PCCA: variants seen among roughly 807,000 people sequenced by gnomAD.
PCCA encodes the protein propionyl-CoA carboxylase alpha chain, mitochondrial.
Under a neutral mutation model 101.3 loss-of-function variants are expected in PCCA, and 74 were observed. The observed-to-expected ratio is 0.73, with a 90% CI of 0.61 to 0.89. The LOEUF (loss-of-function observed/expected upper bound fraction) is 0.89, where lower values mean the gene tolerates loss of function less well. Among genes scored for constraint, PCCA ranks in the 40% least tolerant of loss-of-function variants. PCCA has a pLI of 0.00. For missense variants in PCCA, 891 were observed against 907.0 expected, an observed-to-expected ratio of 0.98 and a Z score of 0.23; for synonymous variants, 294 against 313.6, an observed-to-expected ratio of 0.94 and a Z score of 0.66.
chr13:100,527,173 C>T (rs1054095905), intron 22 of PCCA: 14 of 395,586 alleles, frequency 3.5e-5, no homozygotes, highest in South Asian at 5.8e-5. Context: ...GTGTACGATT[C>T]GGTGGTTTCA....
chr13:100,194,630 A>G (rs1324608396), intron 6 of PCCA, among the ~76,000 whole-genome samples: 2 of 152,088 alleles, frequency 1.3e-5, no homozygotes, highest in South Asian at 4.1e-4. Flanking sequence ...CATATTGGCC[A>G]GGCTGGTCTC....
At chr13:100,368,221 A>G (rs1007786823) in intron 18 of PCCA, among the ~76,000 whole-genome samples, 2 of 152,124 alleles carry the variant, frequency 1.3e-5, no homozygotes, top group Admixed American at 1.3e-4. Flanking sequence ...TTTTAAAAAA[A>G]CCATTTTGAA....
At chr13:100,089,358 C>A in intron 1 of PCCA, 133 bp downstream of exon 1, 1 of 1,193,352 alleles carries the variant, frequency 8.4e-7, no homozygotes, top group Non-Finnish European at 1.1e-6. Context: ...TCAGCTACAC[C>A]GCTTGCTTTC....
At chr13:100,366,579 G>A (rs561643464) in intron 18 of PCCA, among the ~76,000 whole-genome samples, 2 of 152,154 alleles carry the variant, frequency 1.3e-5, no homozygotes, top group East Asian at 3.9e-4. Context: ...TGGCACAGAA[G>A]CCCTTTCTTC....
At chr13:100,206,838 T>G (rs1409658611) in intron 6 of PCCA, among the ~76,000 whole-genome samples, 2 of 152,172 alleles carry the variant, frequency 1.3e-5, no homozygotes, top group African/African-American at 4.8e-5. Context: ...ATGTGAGAGA[T>G]GCCCTTCCTG....
At chr13:100,216,955 A>C (rs1008841331) in intron 7 of PCCA, among the ~76,000 whole-genome samples, 2 of 151,848 alleles carry the variant, frequency 1.3e-5, no homozygotes, top group Non-Finnish European at 2.9e-5. Flanking sequence ...CTGAAAATAC[A>C]AAAAATATTT....
intron 8 of PCCA, among the ~76,000 whole-genome samples, chr13:100,255,785 A>G (rs999581084): frequency 2.0e-5 from 3 of 152,332 alleles, no homozygotes; most frequent in Admixed American, 2.0e-4. Context: ...AAACTCGTGC[A>G]TAATCTCTTG....
At chr13:100,263,881 G>A (rs1464075941) in intron 10 of PCCA, among the ~76,000 whole-genome samples, 1 of 142,814 alleles carries the variant, frequency 7.0e-6, no homozygotes, top group Admixed American at 7.0e-5. Flanking sequence ...GTATATATAT[G>A]GTATCTGTAT....
intron 19 of PCCA, among the ~76,000 whole-genome samples, chr13:100,389,872 A>G (rs1434441704): frequency 6.6e-6 from 1 of 152,148 alleles, no homozygotes; most frequent in Admixed American, 6.5e-5. Flanking sequence ...ATGTGTGTGG[A>G]GTGCAGTGGA....
At chr13:100,225,954 G>A (rs2060124184) in intron 7 of PCCA, among the ~76,000 whole-genome samples, 1 of 152,048 alleles carries the variant, frequency 6.6e-6, no homozygotes, top group African/African-American at 2.4e-5. Flanking sequence ...GCCACACCTG[G>A]CTAACTTTTG....
intron 1 of PCCA, among the ~76,000 whole-genome samples, chr13:100,100,790 T>C (rs981441698): frequency 1.0e-4 from 15 of 149,752 alleles, no homozygotes; most frequent in Admixed American, 2.0e-4. Context: ...ACTTCTTCTT[T>C]TTTTTTTTTT....
chr13:100,305,948 T>TTA (rs2066412612), intron 14 of PCCA: 6 of 311,000 alleles, frequency 1.9e-5, no homozygotes, highest in Non-Finnish European at 3.8e-5. Context: ...ATAAAAGCCC[T>TTA]TCAGGTATGT....
chr13:100,254,917 TAA>T (rs60893305), intron 8 of PCCA, among the ~76,000 whole-genome samples: 19 of 140,446 alleles, frequency 1.4e-4, no homozygotes, highest in Non-Finnish European at 1.1e-4. Flanking sequence ...CCCCCATCTT[TAA>T]AAAAAAAAAA....
chr13:100,249,808 A>G (rs1306077635), intron 8 of PCCA, among the ~76,000 whole-genome samples: 2 of 152,014 alleles, frequency 1.3e-5, no homozygotes, highest in East Asian at 1.9e-4. Flanking sequence ...ATTCATGCCT[A>G]TTTTATTTCT....
chr13:100,238,773 T>C (rs1054994763), intron 8 of PCCA, among the ~76,000 whole-genome samples: 1 of 152,248 alleles, frequency 6.6e-6, no homozygotes, highest in Non-Finnish European at 1.5e-5. Context: ...TGTTGTTTGA[T>C]ATTTCGTAAG....
intron 12 of PCCA, among the ~76,000 whole-genome samples, chr13:100,285,198 C>T (rs1023633342): frequency 4.6e-5 from 7 of 152,240 alleles, no homozygotes; most frequent in East Asian, 1.9e-4. Flanking sequence ...TATGGATCCC[C>T]GGATACAGCG....
intron 12 of PCCA, among the ~76,000 whole-genome samples, chr13:100,276,039 A>T (rs371664828): frequency 3.3e-5 from 5 of 151,888 alleles, no homozygotes; most frequent in Admixed American, 3.3e-4. Context: ...TTGACAGCCA[A>T]TGACTTTATG....
At chr13:100,384,649 A>C (rs1567043786) in intron 19 of PCCA, among the ~76,000 whole-genome samples, 1 of 152,182 alleles carries the variant, frequency 6.6e-6, no homozygotes, top group East Asian at 1.9e-4. Flanking sequence ...AAAATAGAAC[A>C]TTATTATATG....
intron 12 of PCCA, among the ~76,000 whole-genome samples, chr13:100,276,213 CAAAAAAAAAA>C (rs59671834): frequency 3.9e-5 from 4 of 102,128 alleles, no homozygotes; most frequent in African/African-American, 1.4e-4. Context: ...TTGTCTGTAC[CAAAAAAAAAA>C]AAAAAAAAAA....
Sources: gnomAD v4.1 joint callset for allele counts (sites outside exome capture counted in the v4.1 genomes callset) on GRCh38, gnomAD v4.1.1 for gene constraint, MANE v1.5 for transcripts, NCBI Gene and HGNC (gene_info 2026-07-23, HGNC 2026-07-21) for gene names.